CPA6: variants seen among roughly 807,000 people sequenced by gnomAD.
CPA6 encodes the protein carboxypeptidase B.
CPA6 carries 58 observed loss-of-function variants against 63.3 expected under a neutral mutation model. The ratio of observed to expected loss-of-function variants is 0.92; its 90% CI spans 0.74 to 1.14. The LOEUF is 1.14. CPA6 is among the 50% of genes most tolerant of loss of function. The pLI, the probability that CPA6 is intolerant of heterozygous loss-of-function variation, is 0.00. For synonymous variants in CPA6, 185 were observed against 179.0 expected (o/e 1.03, Z -0.27); for missense variants, 565 against 526.6 (o/e 1.07, Z -0.71).
At chr8:67,527,014 C>G (rs569446756) in intron 2 of CPA6, among the ~76,000 whole-genome samples, 25 of 152,266 alleles carry the variant, frequency 1.6e-4, no homozygotes, top group Non-Finnish European at 3.4e-4. Flanking sequence ...TTAGCATTTT[C>G]AGCCTGGCTC....
intron 8 of CPA6, among the ~76,000 whole-genome samples, chr8:67,470,135 T>C (rs1257806640): frequency 1.3e-5 from 2 of 151,648 alleles, no homozygotes; most frequent in African/African-American, 4.8e-5. Context: ...GTTCAAGCAA[T>C]TCTCCCACCT....
At position 67,483,800 on chromosome 8, in the gene CPA6, T is replaced by C. The variant is rs762502452; in HGVS notation, c.806A>G (p.Asp269Gly). The change falls in exon 8 of 11, where the codon GAT becomes GGT. Residue 269 changes from aspartate (D) to glycine (G), a missense_variant. Transcript: ENST00000297770. ...RNSRFRCRGV[D>G]ANRNWKVKWC... ...CTTCACTTTCCAGTTTCTATTGGCA[T>C]CCACTCCACGGCAGCGAAACCTTGA... The C allele has an allele frequency of 6.2e-7, 1 of 1,614,178 alleles. No homozygotes were observed. The highest frequency in any genetic ancestry group is 1.7e-5 in the Admixed American group (1 of 60,020).
intron 2 of CPA6, among the ~76,000 whole-genome samples, chr8:67,609,820 G>A (rs1387894754): frequency 6.6e-6 from 1 of 152,126 alleles, no homozygotes. Flanking sequence ...TCAGGAGTTC[G>A]AGACCAACAT....
At chr8:67,620,146 C>T (rs891385684) in intron 2 of CPA6, among the ~76,000 whole-genome samples, 16 of 152,096 alleles carry the variant, frequency 1.1e-4, no homozygotes, top group Non-Finnish European at 1.9e-4. Context: ...TTCCTTAGCT[C>T]GTGACTCTCA....
At chr8:67,688,358 T>G (rs1006912431) in intron 1 of CPA6, among the ~76,000 whole-genome samples, 4 of 152,118 alleles carry the variant, frequency 2.6e-5, no homozygotes, top group African/African-American at 9.7e-5. Context: ...AATGAATATT[T>G]GAGAAGGTCA....
chr8:67,661,487 T>A (rs778069368), intron 1 of CPA6, among the ~76,000 whole-genome samples: 14 of 152,216 alleles, frequency 9.2e-5, no homozygotes, highest in Non-Finnish European at 1.8e-4. Context: ...GCAGGAAGCA[T>A]CTTGCTCCTG....
At chr8:67,507,997 CTTTGTGTGTGTGTGTGTGTGTGTGTGTG>C (rs1475139424) in intron 5 of CPA6, among the ~76,000 whole-genome samples, 2 of 122,300 alleles carry the variant, frequency 1.6e-5, no homozygotes, top group Non-Finnish European at 3.5e-5. Context: ...CTATGGGGTG[CTTTGTGTGTGTGTGTGTGTGTGTGTGTG>C]TGTGTGTGTG....
At chr8:67,480,310 C>A (rs1418412136) in intron 8 of CPA6, among the ~76,000 whole-genome samples, 2 of 151,994 alleles carry the variant, frequency 1.3e-5, no homozygotes, top group African/African-American at 4.8e-5. Flanking sequence ...TTCATCACCC[C>A]CAAAAGAAAC....
At chr8:67,549,222 T>G (rs967551650) in intron 2 of CPA6, among the ~76,000 whole-genome samples, 1 of 152,120 alleles carries the variant, frequency 6.6e-6, no homozygotes, top group Admixed American at 6.6e-5. Flanking sequence ...ATCTAAGGAT[T>G]TAGATAATTT....
At chr8:67,425,899 CTTT>C (rs910164836) in intron 10 of CPA6, among the ~76,000 whole-genome samples, 4 of 138,090 alleles carry the variant, frequency 2.9e-5, no homozygotes, top group South Asian at 4.6e-4. Flanking sequence ...TTTTTCTTTT[CTTT>C]TTTTTTTTTT....
chr8:67,571,584 T>C (rs1446188000), intron 2 of CPA6, among the ~76,000 whole-genome samples: 1 of 152,014 alleles, frequency 6.6e-6, no homozygotes, highest in Non-Finnish European at 1.5e-5. Context: ...TCAAAAAACA[T>C]ACTACTTAGC....
At chr8:67,625,962 C>T (rs1815185076) in intron 1 of CPA6, among the ~76,000 whole-genome samples, 1 of 152,102 alleles carries the variant, frequency 6.6e-6, no homozygotes, top group Non-Finnish European at 1.5e-5. Context: ...ATATTTTCCC[C>T]TTGTTGTTCT....
At chr8:67,550,039 G>GT (rs1455314153) in intron 2 of CPA6, among the ~76,000 whole-genome samples, 3 of 152,244 alleles carry the variant, frequency 2.0e-5, no homozygotes, top group Non-Finnish European at 2.9e-5. Context: ...TAGTTCTATT[G>GT]TTTTTTCTTT....
chr8:67,459,365 G>T (rs1810748721), intron 8 of CPA6, among the ~76,000 whole-genome samples: 2 of 152,168 alleles, frequency 1.3e-5, no homozygotes, highest in Admixed American at 6.5e-5. Flanking sequence ...AAGCAACCAA[G>T]ATGTCCTTTA....
intron 1 of CPA6, among the ~76,000 whole-genome samples, chr8:67,704,917 T>C (rs546904941): frequency 1.3e-5 from 2 of 152,274 alleles, no homozygotes; most frequent in South Asian, 4.2e-4. Flanking sequence ...AAAGTCGGCC[T>C]TAGAAACCAG....
At chr8:67,489,892 T>A (rs1811568110) in intron 6 of CPA6, among the ~76,000 whole-genome samples, 1 of 152,208 alleles carries the variant, frequency 6.6e-6, no homozygotes, top group Admixed American at 6.5e-5. Context: ...CTAAATAATA[T>A]ATTAATCAAA....
At chr8:67,567,438 A>G (rs1432617422) in intron 2 of CPA6, among the ~76,000 whole-genome samples, 1 of 152,234 alleles carries the variant, frequency 6.6e-6, no homozygotes, top group Non-Finnish European at 1.5e-5. Context: ...ATGAATAAAC[A>G]TAGGAGTTTT....
chr8:67,672,222 T>C (rs1816363946), intron 1 of CPA6, among the ~76,000 whole-genome samples: 1 of 152,202 alleles, frequency 6.6e-6, no homozygotes, highest in Non-Finnish European at 1.5e-5. Context: ...TATTAACATT[T>C]AAAAATACAT....
chr8:67,662,543 C>G (rs1459040066), intron 1 of CPA6, among the ~76,000 whole-genome samples: 1 of 142,098 alleles, frequency 7.0e-6, no homozygotes, highest in Admixed American at 7.0e-5. Flanking sequence ...ATATAGAATA[C>G]ATACACACGT....
Sources: allele counts gnomAD v4.1 joint callset (sites outside exome capture counted in the v4.1 genomes callset), GRCh38; gene constraint gnomAD v4.1.1; transcripts MANE v1.5; gene names NCBI Gene and HGNC (gene_info 2026-07-23, HGNC 2026-07-21).